Variants in PCDHA8 observed in about 807,000 individuals in gnomAD.
The protein encoded by PCDHA8 is protocadherin alpha 8.
In PCDHA8, 53 loss-of-function variants were observed where a neutral mutation model predicts 61.8. The ratio of observed to expected loss-of-function variants is 0.86; its 90% CI spans 0.69 to 1.08. The LOEUF (loss-of-function observed/expected upper bound fraction) is 1.08, where lower values mean the gene tolerates loss of function less well. Among genes scored for constraint, PCDHA8 ranks in the 50% least tolerant of loss-of-function variants. PCDHA8 has a pLI of 0.00. For missense variants in PCDHA8, 1,293 were observed against 1,245.0 expected, an observed-to-expected ratio of 1.04 and a Z score of -0.58; for synonymous variants, 618 against 556.6, an observed-to-expected ratio of 1.11 and a Z score of -1.55.
chr5:141,006,388 A>AT (rs2098271631), intron 3 of PCDHA8, among the ~76,000 whole-genome samples: 1 of 151,322 alleles, frequency 6.6e-6, no homozygotes, highest in African/African-American at 2.4e-5. Flanking sequence ...AGTTTTTTCT[A>AT]TTTTTTAGTA....
chr5:140,898,067 T>C (rs2066506598), intron 1 of PCDHA8, among the ~76,000 whole-genome samples: 1 of 152,122 alleles, frequency 6.6e-6, no homozygotes, highest in Admixed American at 6.5e-5. Context: ...TTGTTTGAGT[T>C]CATTGTAGAT....
Position 140,858,116 on chromosome 5 carries a change from G to A in PCDHA8, c.2394+14401G>A, listed in dbSNP as rs140097524. The A allele has an allele frequency of 1.6e-5, 26 of 1,597,882 alleles. 1 individual carries two copies. The Middle Eastern group carries it at 5.1e-4, about 31-fold the overall frequency. Reference sequence around the variant, plus strand: ...TTCAGTGGGCGTGGCGCCCGAGGTGGCCCTGGTGGATGTCAACGTGTACCT... The same window carrying A: ...TTCAGTGGGCGTGGCGCCCGAGGTGACCCTGGTGGATGTCAACGTGTACCT... On this transcript the variant is annotated intron_variant, in intron 1 of 3. Coordinates refer to ENST00000531613, the MANE Select transcript of PCDHA8 (RefSeq NM_018911.3).
chr5:140,841,964 A>G lies in PCDHA8; in HGVS notation c.643A>G (p.Thr215Ala), dbSNP rs2150326449. The G allele has an allele frequency of 6.2e-7, 1 of 1,613,930 alleles. No homozygotes were observed. The highest frequency in any genetic ancestry group is 2.2e-5 in the East Asian group (1 of 44,886). The change falls in exon 1 of 4, where the codon ACA becomes GCA. Residue 215 changes from threonine (T) to alanine (A), a missense_variant. Coordinates refer to ENST00000531613, the MANE Select transcript of PCDHA8 (RefSeq NM_018911.3). ...TGCGCACCACTTATTCCTGACAGCC[A>G]CAGATGGGGGCAAACCTGAGCTCAC... is the stretch of plus-strand genomic sequence containing the variant. ...APAHHLFLTATDGGKPELTGT... is the reference protein window; with the variant it reads ...APAHHLFLTAADGGKPELTGT...
chr5:140,890,732 TTA>T (rs2062774217), intron 1 of PCDHA8, among the ~76,000 whole-genome samples: 1 of 152,238 alleles, frequency 6.6e-6, no homozygotes, highest in Admixed American at 6.5e-5. Context: ...CCCTTTTGAC[TTA>T]TATACTATTT....
intron 1 of PCDHA8, among the ~76,000 whole-genome samples, chr5:140,921,179 GT>G (rs1563044506): frequency 6.6e-6 from 1 of 151,662 alleles, no homozygotes; most frequent in South Asian, 2.1e-4. Context: ...ATAAAGCACA[GT>G]TTTTTCACAA....
intron 3 of PCDHA8, among the ~76,000 whole-genome samples, chr5:140,988,398 C>A (rs531157517): frequency 1.3e-5 from 2 of 152,238 alleles, no homozygotes; most frequent in Non-Finnish European, 2.9e-5. Context: ...TGCCAGAGTT[C>A]TCTTCGCAGC....
intron 3 of PCDHA8, among the ~76,000 whole-genome samples, chr5:140,997,754 G>A (rs1450156263): frequency 6.6e-6 from 1 of 151,922 alleles, no homozygotes; most frequent in Non-Finnish European, 1.5e-5. Context: ...ATCTTCTTGA[G>A]TAAGGATATA....
At position 140,972,838 on chromosome 5, in the gene PCDHA8, A is replaced by G. The variant is rs181315236; in HGVS notation, c.2395-6111A>G. Among the ~76,000 whole-genome samples the G allele has an allele frequency of 2.0e-4, 30 of 151,814 alleles. No individual in the cohort carries two copies. In the East Asian group the frequency reaches 5.8e-3, roughly 30 times the overall value. The stretch of plus-strand genomic sequence containing the variant: ...GCCACCACGCCTGGCTAATTTTTGT[A>G]TTTTTAGTAGAGATGGGGTTTCATC... On this transcript the variant is annotated intron_variant, in intron 1 of 3. Transcript: ENST00000531613.
chr5:140,897,255 C>A (rs890766563), intron 1 of PCDHA8, among the ~76,000 whole-genome samples: 2 of 151,828 alleles, frequency 1.3e-5, no homozygotes, highest in Admixed American at 1.3e-4. Flanking sequence ...CATATGTATA[C>A]ATGTGCCATG....
At chr5:140,870,461 C>G in intron 1 of PCDHA8, 2 of 1,614,246 alleles carry the variant, frequency 1.2e-6, no homozygotes, top group Admixed American at 3.3e-5. Context: ...AATGCGCCTG[C>G]GTTCGCACAG....
intron 1 of PCDHA8, among the ~76,000 whole-genome samples, chr5:140,845,875 A>C: frequency 6.7e-6 from 1 of 149,840 alleles, no homozygotes; most frequent in East Asian, 1.9e-4. Context: ...AAGGCAACCT[A>C]AAATGTCAGA....
At chr5:140,936,244 T>C (rs879962489) in intron 1 of PCDHA8, among the ~76,000 whole-genome samples, 13 of 152,192 alleles carry the variant, frequency 8.5e-5, no homozygotes, top group Non-Finnish European at 1.6e-4. Context: ...AGAAAACATA[T>C]CCTGCTTCAA....
chr5:140,953,809 G>A (rs1244835717), intron 1 of PCDHA8, among the ~76,000 whole-genome samples: 2 of 152,168 alleles, frequency 1.3e-5, no homozygotes, highest in East Asian at 1.9e-4. Context: ...GTTCTGAGGT[G>A]CATGTGCTAG....
chr5:140,880,614 GGGA>G (rs2058396473), intron 1 of PCDHA8, among the ~76,000 whole-genome samples: 1 of 152,182 alleles, frequency 6.6e-6, no homozygotes, highest in South Asian at 2.1e-4. Context: ...GTAAGCAAGA[GGGA>G]GGAGTTAATT....
At chr5:141,005,632 G>C (rs2098225457) in intron 3 of PCDHA8, among the ~76,000 whole-genome samples, 2 of 148,162 alleles carry the variant, frequency 1.3e-5, no homozygotes, top group Non-Finnish European at 3.0e-5. Context: ...AACCCGGGAG[G>C]CGGAGCTTGC....
At chr5:140,889,414 C>T (rs1014981678) in intron 1 of PCDHA8, among the ~76,000 whole-genome samples, 3 of 151,934 alleles carry the variant, frequency 2.0e-5, no homozygotes, top group Admixed American at 6.6e-5. Flanking sequence ...GAGTCAGTTA[C>T]GTAGATAATA....
At chr5:140,906,540 A>T (rs1375015616) in intron 1 of PCDHA8, among the ~76,000 whole-genome samples, 4 of 152,232 alleles carry the variant, frequency 2.6e-5, no homozygotes, top group African/African-American at 9.6e-5. Context: ...TAAAATCCTC[A>T]TTTCTGCAAC....
intron 1 of PCDHA8, chr5:140,968,917 T>G: frequency 6.2e-7 from 1 of 1,614,216 alleles, no homozygotes; most frequent in Non-Finnish European, 8.5e-7. Flanking sequence ...CAGTGTCTTT[T>G]ATATTTCTTT....
rs146932686 is a variant in PCDHA8, at chr5:140,955,010, G to T, written c.2395-23939G>T. 3.9e-3 allele frequency among the ~76,000 whole-genome samples: 599 copies of T among 152,256 alleles called. 6 individuals carry two copies. The highest frequency in any genetic ancestry group is 0.032 in the South Asian group (154 of 4,816). On this transcript the variant is annotated intron_variant, in intron 1 of 3. Transcript: ENST00000531613. ...TGCATATGGCTAGCCAATTCTCCCAGCACCATTTATTAAATAGGGAATCTT... is the reference window on the plus strand; with the variant it reads ...TGCATATGGCTAGCCAATTCTCCCATCACCATTTATTAAATAGGGAATCTT...
Sources: gnomAD v4.1 joint callset for allele counts (sites outside exome capture counted in the v4.1 genomes callset) on GRCh38, gnomAD v4.1.1 for gene constraint, MANE v1.5 for transcripts, NCBI Gene and HGNC (gene_info 2026-07-23, HGNC 2026-07-21) for gene names.